Variants in COL21A1 observed in about 807,000 individuals in gnomAD.
The protein encoded by COL21A1 is collagen alpha-1(XXI) chain.
Under a neutral mutation model 137.9 loss-of-function variants are expected in COL21A1, and 149 were observed. The ratio of observed to expected loss-of-function variants is 1.08; its 90% CI spans 0.95 to 1.24. The LOEUF is 1.24. COL21A1 is among the 50% of genes most tolerant of loss of function. COL21A1 has a pLI of 0.00. For synonymous variants in COL21A1, 456 were observed against 391.5 expected, an observed-to-expected ratio of 1.16 and a Z score of -1.95; for missense variants, 1,167 against 1,158.4, an observed-to-expected ratio of 1.01 and a Z score of -0.11.
At chr6:56,256,763 C>T (rs149847639) in intron 1 of COL21A1, among the ~76,000 whole-genome samples, 1 of 152,000 alleles carries the variant, frequency 6.6e-6, no homozygotes, top group African/African-American at 2.4e-5. Context: ...CACTGCTATA[C>T]TCTTCGCAGT....
chr6:56,331,135 A>T (rs1475783330), intron 1 of COL21A1, among the ~76,000 whole-genome samples: 2 of 151,602 alleles, frequency 1.3e-5, no homozygotes, highest in African/African-American at 4.8e-5. Context: ...CCCACTTTTT[A>T]ATGGAGTTAT....
chr6:56,100,295 A>T (rs182741694), intron 17 of COL21A1, among the ~76,000 whole-genome samples: 139 of 152,002 alleles, frequency 9.1e-4, no homozygotes, highest in African/African-American at 3.2e-3. Flanking sequence ...CCTTGGTAAA[A>T]TTTTTTCAAG....
chr6:56,101,390 GAGA>G (rs1245345246), intron 17 of COL21A1, 79 bp downstream of exon 17: 2 of 1,048,804 alleles, frequency 1.9e-6, no homozygotes, highest in South Asian at 1.4e-5. Flanking sequence ...GGGCATCTGA[GAGA>G]AGAATTTAAA....
intron 12 of COL21A1, among the ~76,000 whole-genome samples, chr6:56,141,384 A>T (rs544490950): frequency 5.3e-5 from 8 of 152,332 alleles, no homozygotes; most frequent in Admixed American, 4.6e-4. Flanking sequence ...TGGAATCTAA[A>T]AAATGTGGCT....
intron 10 of COL21A1, among the ~76,000 whole-genome samples, chr6:56,145,237 G>A (rs1207209311): frequency 2.0e-5 from 3 of 152,090 alleles, no homozygotes; most frequent in Non-Finnish European, 4.4e-5. Context: ...ATCTTTGGAG[G>A]AATTACAATA....
chr6:56,212,863 TTCTTA>T (rs1486075935), intron 1 of COL21A1, among the ~76,000 whole-genome samples: 1 of 152,050 alleles, frequency 6.6e-6, no homozygotes, highest in African/African-American at 2.4e-5. Context: ...ATACTCAAAA[TTCTTA>T]TAATTATTTT....
At chr6:56,124,398 A>C in intron 14 of COL21A1, 106 bp from the exon 15 acceptor site, 1 of 1,061,474 alleles carries the variant, frequency 9.4e-7, no homozygotes, top group Non-Finnish European at 1.4e-6. Flanking sequence ...TTATGTAGTA[A>C]AAACTCATGG....
intron 17 of COL21A1, among the ~76,000 whole-genome samples, chr6:56,081,169 G>A (rs1767725586): frequency 6.6e-6 from 1 of 151,760 alleles, no homozygotes; most frequent in Non-Finnish European, 1.5e-5. Flanking sequence ...TTTGAAAGTT[G>A]TGAAATACTT....
At chr6:56,218,222 A>G (rs1780608454) in intron 1 of COL21A1, among the ~76,000 whole-genome samples, 2 of 152,046 alleles carry the variant, frequency 1.3e-5, no homozygotes, top group Admixed American at 6.6e-5. Context: ...TGTAAAGAAA[A>G]TGCACTTGAT....
chr6:56,252,502 G>T (rs922816908), upstream of COL21A1, among the ~76,000 whole-genome samples: 2 of 152,144 alleles, frequency 1.3e-5, no homozygotes, highest in African/African-American at 4.8e-5. Context: ...TCCCAGAAGG[G>T]CTGGAAAATT....
At chr6:56,207,246 C>T (rs975018483) in intron 1 of COL21A1, among the ~76,000 whole-genome samples, 5 of 151,954 alleles carry the variant, frequency 3.3e-5, no homozygotes, top group African/African-American at 7.3e-5. Flanking sequence ...TCCATGAATC[C>T]GGGAGCTGGT....
At chr6:56,224,353 A>G (rs1781060426) in intron 1 of COL21A1, among the ~76,000 whole-genome samples, 1 of 152,148 alleles carries the variant, frequency 6.6e-6, no homozygotes, top group South Asian at 2.1e-4. Flanking sequence ...GTAGACAGAC[A>G]ATAATTACTT....
intron 10 of COL21A1, among the ~76,000 whole-genome samples, chr6:56,143,404 G>A (rs1774584247): frequency 6.6e-6 from 1 of 151,818 alleles, no homozygotes; most frequent in Non-Finnish European, 1.5e-5. Flanking sequence ...GTTTCACCAT[G>A]TTAGCCAGGA....
chr6:56,163,063 G>A (rs538100803), intron 9 of COL21A1, among the ~76,000 whole-genome samples: 1 of 152,202 alleles, frequency 6.6e-6, no homozygotes, highest in African/African-American at 2.4e-5. Flanking sequence ...GGTTAGGCCT[G>A]AAAATGAATA....
upstream of COL21A1, among the ~76,000 whole-genome samples, chr6:56,252,150 T>C (rs1383638100): frequency 6.6e-6 from 1 of 152,254 alleles, no homozygotes; most frequent in Non-Finnish European, 1.5e-5. Context: ...GATTACAAGA[T>C]GTAGCCAAGA....
intron 17 of COL21A1, among the ~76,000 whole-genome samples, chr6:56,085,995 T>G (rs1239553568): frequency 1.3e-5 from 2 of 149,120 alleles, no homozygotes; most frequent in African/African-American, 4.9e-5. Flanking sequence ...TAAAAATATC[T>G]AAATTATTTA....
chr6:56,259,367 C>T (rs966819205), intron 1 of COL21A1, among the ~76,000 whole-genome samples: 7 of 152,230 alleles, frequency 4.6e-5, no homozygotes, highest in African/African-American at 1.7e-4. Flanking sequence ...ATCTCTCTGA[C>T]TCCGCACCAC....
At chr6:56,378,674 T>C (rs377722268) in intron 1 of COL21A1, among the ~76,000 whole-genome samples, 3 of 152,170 alleles carry the variant, frequency 2.0e-5, no homozygotes, top group African/African-American at 4.8e-5. Flanking sequence ...GGGAAGGACA[T>C]GGGCCTGGCT....
chr6:56,195,219 C>A (rs4715590), intron 1 of COL21A1, among the ~76,000 whole-genome samples: 81,848 of 151,592 alleles, frequency 0.54, 22,309 homozygotes, highest in East Asian at 0.77. Context: ...TTACAAGCAA[C>A]AGAAAACGTA....
Sources: gnomAD v4.1 joint callset for allele counts (sites outside exome capture counted in the v4.1 genomes callset) on GRCh38, gnomAD v4.1.1 for gene constraint, MANE v1.5 for transcripts, NCBI Gene and HGNC (gene_info 2026-07-23, HGNC 2026-07-21) for gene names.